Variants in SLC28A3 observed in about 807,000 individuals in gnomAD.
SLC28A3 encodes the protein solute carrier family 28 member 3.
Under a neutral mutation model 84.2 loss-of-function variants are expected in SLC28A3, and 68 were observed. The observed-to-expected ratio is 0.81, with a 90% CI of 0.66 to 0.99. SLC28A3 has a LOEUF of 0.99. SLC28A3 is among the 50% of genes least tolerant of loss of function. SLC28A3 has a pLI of 0.00. For synonymous variants in SLC28A3, 267 were observed against 303.6 expected, an observed-to-expected ratio of 0.88 and a Z score of 1.25; for missense variants, 712 against 841.5, an observed-to-expected ratio of 0.85 and a Z score of 1.90.
intron 5 of SLC28A3, among the ~76,000 whole-genome samples, chr9:84,300,210 T>G (rs1272122402): frequency 6.6e-6 from 1 of 152,180 alleles, no homozygotes; most frequent in African/African-American, 2.4e-5. Flanking sequence ...GGCAAATAGC[T>G]AAAAAATTAA....
At chr9:84,368,402 A>G in the SLC28A3 span, among the ~76,000 whole-genome samples, 1 of 152,146 alleles carries the variant, frequency 6.6e-6, no homozygotes, top group Non-Finnish European at 1.5e-5. Context: ...TACTACATAG[A>G]CACAGTAACA....
At chr9:84,299,916 C>A (rs1825562936) in intron 5 of SLC28A3, among the ~76,000 whole-genome samples, 191 bp from the exon 6 acceptor site, 1 of 152,124 alleles carries the variant, frequency 6.6e-6, no homozygotes, top group African/African-American at 2.4e-5. Context: ...CCTCAGCCTC[C>A]CCAGTAGCTG....
At chr9:84,335,058 G>A (rs10868149) in intron 1 of SLC28A3, among the ~76,000 whole-genome samples, 42,156 of 151,796 alleles carry the variant, frequency 0.28, 6,171 homozygotes, top group South Asian at 0.37. Context: ...GGTCTTATCC[G>A]CGCTCATATC....
At chr9:84,338,765 C>T (rs541909407) in intron 1 of SLC28A3, among the ~76,000 whole-genome samples, 43 of 152,276 alleles carry the variant, frequency 2.8e-4, no homozygotes, top group African/African-American at 9.9e-4. Flanking sequence ...AGAATGGGCC[C>T]ATGCTTTATG....
chr9:84,354,135 G>C, the SLC28A3 span, among the ~76,000 whole-genome samples: 2 of 152,198 alleles, frequency 1.3e-5, no homozygotes, highest in African/African-American at 4.8e-5. Flanking sequence ...TCTGGCCACA[G>C]GACATTTTCA....
In SLC28A3 at chr9:84,280,026, TC is replaced by T. The variant is rs1322390433; in HGVS notation, c.1776del (p.Arg593GlufsTer3). On this transcript the variant is annotated frameshift_variant, in exon 16 of 18. Coordinates refer to ENST00000376238, the MANE Select transcript of SLC28A3 (RefSeq NM_001199633.2). LOFTEE classifies it high-confidence loss of function. Reference sequence around the variant, plus strand: ...GCCACGGTCCCCGCAATCAGAGCTCTCACTGCCCCCGAGGCGATATCACGCT... The same window carrying T: ...GCCACGGTCCCCGCAATCAGAGCTCTACTGCCCCCGAGGCGATATCACGCT... ...SRKRDIASGA[V>X]RALIAGTVAC... The T allele has an allele frequency of 2.5e-6, 4 of 1,613,872 alleles. No homozygotes were observed. The highest frequency in any genetic ancestry group is 3.4e-6 in the Non-Finnish European group (4 of 1,180,008).
At chr9:84,342,709 C>T (rs1327185416), upstream of SLC28A3, among the ~76,000 whole-genome samples, 1 of 152,070 alleles carries the variant, frequency 6.6e-6, no homozygotes, top group Non-Finnish European at 1.5e-5. Flanking sequence ...GGCACTGTGC[C>T]TGGCCACAAG....
chr9:84,342,295 T>G (rs1827179539), upstream of SLC28A3, among the ~76,000 whole-genome samples: 2 of 151,834 alleles, frequency 1.3e-5, no homozygotes, highest in African/African-American at 4.8e-5. Context: ...CTTTTATTAT[T>G]GTTAACCTAA....
intron 12 of SLC28A3, among the ~76,000 whole-genome samples, chr9:84,286,895 T>C (rs931020611): frequency 1.5e-4 from 23 of 152,282 alleles, no homozygotes; most frequent in African/African-American, 5.3e-4. Context: ...CCTACATGTC[T>C]GTATTCCCTA....
chr9:84,363,325 A>G, the SLC28A3 span, among the ~76,000 whole-genome samples: 1 of 152,230 alleles, frequency 6.6e-6, no homozygotes, highest in Non-Finnish European at 1.5e-5. Flanking sequence ...GAAATCAATA[A>G]GTCAAGGCAG....
At chr9:84,337,981 G>GTTGCTGTTTT in intron 1 of SLC28A3, among the ~76,000 whole-genome samples, 1 of 152,226 alleles carries the variant, frequency 6.6e-6, no homozygotes, top group East Asian at 1.9e-4. Context: ...AACAGCAATT[G>GTTGCTGTTTT]GTGCTCCCTT....
At chr9:84,338,542 T>C (rs548192799) in intron 1 of SLC28A3, among the ~76,000 whole-genome samples, 83 of 152,288 alleles carry the variant, frequency 5.5e-4, no homozygotes, top group African/African-American at 2.0e-3. Context: ...CTTTCATTTT[T>C]CCTTCTTTTT....
chr9:84,303,553 C>T (rs1306452069), intron 4 of SLC28A3, among the ~76,000 whole-genome samples: 2 of 152,178 alleles, frequency 1.3e-5, no homozygotes, highest in South Asian at 2.1e-4. Flanking sequence ...CTCTTGACCT[C>T]AGGTGATCCA....
chr9:84,343,112 G>C (rs1827197019), upstream of SLC28A3, among the ~76,000 whole-genome samples: 1 of 151,834 alleles, frequency 6.6e-6, no homozygotes, highest in Non-Finnish European at 1.5e-5. Flanking sequence ...GTGGTGAGTC[G>C]AGTGGAGGTT....
At chr9:84,304,892 T>C (rs961691026) in intron 4 of SLC28A3, among the ~76,000 whole-genome samples, 11 of 152,048 alleles carry the variant, frequency 7.2e-5, no homozygotes, top group South Asian at 2.1e-4. Context: ...TGTGGTGACG[T>C]GTGCCTGTAA....
At chr9:84,296,439 G>C (rs912904410) in intron 8 of SLC28A3, among the ~76,000 whole-genome samples, 3 of 152,274 alleles carry the variant, frequency 2.0e-5, no homozygotes, top group African/African-American at 7.2e-5. Context: ...TAAATTTGGA[G>C]TCTCTAAGTG....
At chr9:84,305,202 G>GAAAA (rs35729465) in intron 4 of SLC28A3, 52 bp downstream of exon 4, 38 of 1,165,826 alleles carry the variant, frequency 3.3e-5, no homozygotes, top group African/African-American at 1.4e-4. Context: ...GGGAATCCCT[G>GAAAA]AAAAAAAAAA....
At chr9:84,334,583 A>G (rs185060428) in intron 1 of SLC28A3, among the ~76,000 whole-genome samples, 1 of 151,824 alleles carries the variant, frequency 6.6e-6, no homozygotes, top group Non-Finnish European at 1.5e-5. Flanking sequence ...TATAAGTTGT[A>G]TATTTGTTTT....
intron 11 of SLC28A3, among the ~76,000 whole-genome samples, chr9:84,288,952 G>A (rs1825106067): frequency 6.6e-6 from 1 of 152,130 alleles, no homozygotes; most frequent in African/African-American, 2.4e-5. Flanking sequence ...TCTTCCTTTT[G>A]CTCTCCTGAG....
Sources: gnomAD v4.1 joint callset for allele counts (sites outside exome capture counted in the v4.1 genomes callset) on GRCh38, gnomAD v4.1.1 for gene constraint, MANE v1.5 for transcripts, NCBI Gene and HGNC (gene_info 2026-07-23, HGNC 2026-07-21) for gene names.